The following CFAP92 variants were observed in gnomAD, a reference collection of about 807,000 sequenced individuals.
CFAP92 encodes uncharacterized protein CFAP92.
A neutral mutation model predicts 106.3 loss-of-function variants in CFAP92; 86 were observed. The observed-to-expected ratio is 0.81, with a 90% CI of 0.68 to 0.97. The LOEUF is 0.97. Ranked by LOEUF, CFAP92 falls within the 50% of genes least tolerant of loss-of-function variation. The pLI is 0.00. For missense variants in CFAP92, 1,204 were observed against 1,283.8 expected (o/e 0.94, Z 0.95); for synonymous variants, 477 against 506.4 (o/e 0.94, Z 0.78).
At chr3:129,025,440 T>C in the CFAP92 span, among the ~76,000 whole-genome samples, 1 of 152,152 alleles carries the variant, frequency 6.6e-6, no homozygotes, top group Non-Finnish European at 1.5e-5. Flanking sequence ...GTCAAATGCG[T>C]GCTGAGAACT....
intron 15 of CFAP92, chr3:128,914,535 T>A (rs559022850): frequency 6.6e-6 from 1 of 152,442 alleles, no homozygotes; most frequent in South Asian, 2.1e-4. Context: ...TAGGCTCATG[T>A]CTCTTTCTCC....
upstream of CFAP92, among the ~76,000 whole-genome samples, chr3:128,996,737 C>T (rs1944494807): frequency 6.6e-6 from 1 of 152,254 alleles, no homozygotes; most frequent in Admixed American, 6.5e-5. Flanking sequence ...GGGCTCACTC[C>T]CTATGCTGTG....
rs372919524 is a variant in CFAP92 at position 128,933,904 on chromosome 3, T to G, written c.2454-907A>C. On this transcript the variant is annotated intron_variant, in intron 11 of 15. Transcript: ENST00000645291. ...CCTTCCTATCTCTCCAGCCTCCTCC[T>G]CCTCCTTCATTAATACATCCAGCAA... Among the ~76,000 whole-genome samples the G allele has an allele frequency of 1.3e-4, 20 of 152,030 alleles. 1 individual carries two copies. Among genetic ancestry groups the G allele is most frequent in the Admixed American group, 4.6e-4 (7 of 15,274 alleles).
chr3:128,957,839 G>A (rs55990755), intron 9 of CFAP92, among the ~76,000 whole-genome samples: 1 of 151,948 alleles, frequency 6.6e-6, no homozygotes. Context: ...AACTGGGGGG[G>A]GGCTTAAAAT....
At chr3:128,984,604 C>A (rs972531803) in intron 4 of CFAP92, among the ~76,000 whole-genome samples, 3 of 152,194 alleles carry the variant, frequency 2.0e-5, no homozygotes, top group African/African-American at 7.2e-5. Context: ...GGGACTCGGA[C>A]TGGCTTCCTT....
Position 128,978,032 on chromosome 3 carries a change from C to G in CFAP92, c.808+13G>C. 6.2e-7 allele frequency: 1 copy of G among 1,613,756 alleles called. No individual in the cohort carries two copies. Among genetic ancestry groups the G allele is most frequent in the Admixed American group, 1.7e-5 (1 of 59,998 alleles). ...TTGCACTCAGCTTGTCCACAAAGGC[C>G]TTCTCCGCTCACCTTGCAAAGACTT... On this transcript the variant is annotated intron_variant, in intron 5 of 15. Transcript: ENST00000645291.
chr3:128,993,340 G>A lies in CFAP92; in HGVS notation c.-32-4C>T. On this transcript the variant is annotated splice_polypyrimidine_tract_variant and splice_region_variant and intron_variant, in intron 1 of 15. Coordinates refer to ENST00000645291, the MANE Select transcript of CFAP92 (RefSeq NM_001394090.1). ...GCACTGCTGGCCGCCGGCGCTCCTGGCAGGGAGAAAGTGAAGGCTGTCCCC... is the reference window on the plus strand; with the variant it reads ...GCACTGCTGGCCGCCGGCGCTCCTGACAGGGAGAAAGTGAAGGCTGTCCCC... 6.3e-7 allele frequency: 1 copy of A among 1,581,420 alleles called. No individual in the cohort carries two copies. The highest frequency in any genetic ancestry group is 8.6e-7 in the Non-Finnish European group (1 of 1,163,198).
At chr3:128,924,424 G>A (rs1423938618) in intron 12 of CFAP92, among the ~76,000 whole-genome samples, 8 of 132,644 alleles carry the variant, frequency 6.0e-5, no homozygotes, top group African/African-American at 2.0e-4. Context: ...CTCATAGAAC[G>A]ATTGTATCTT....
chr3:128,979,437 C>T (rs1183381812), intron 4 of CFAP92, among the ~76,000 whole-genome samples: 6 of 152,158 alleles, frequency 3.9e-5, no homozygotes, highest in Non-Finnish European at 8.8e-5. Flanking sequence ...CCAGCCATCC[C>T]ATTACTGGGT....
At position 128,919,324 on chromosome 3, in the gene CFAP92, C is replaced by G. The variant is rs143735920; in HGVS notation, c.2752-3053G>C. Among the ~76,000 whole-genome samples, 669 of 152,026 alleles carry G rather than the reference C, an allele frequency of 4.4e-3. 8 individuals carry two copies. The highest frequency in any genetic ancestry group is 0.015 in the African/African-American group (612 of 41,470). ...TACAGGTTTGACAACTAAAGGGAGACAGCATATACACTAGGCAAAAAGGCA... is the reference window on the plus strand; with the variant it reads ...TACAGGTTTGACAACTAAAGGGAGAGAGCATATACACTAGGCAAAAAGGCA... On this transcript the variant is annotated intron_variant, in intron 12 of 15. Coordinates refer to ENST00000645291, the MANE Select transcript of CFAP92 (RefSeq NM_001394090.1).
intron 7 of CFAP92, among the ~76,000 whole-genome samples, chr3:128,971,774 G>A (rs1271308990): frequency 6.6e-6 from 1 of 152,190 alleles, no homozygotes; most frequent in African/African-American, 2.4e-5. Context: ...AGTGCAGGGT[G>A]GACGGTGGGC....
chr3:129,024,237 A>C, the CFAP92 span, among the ~76,000 whole-genome samples: 1 of 152,092 alleles, frequency 6.6e-6, no homozygotes, highest in Non-Finnish European at 1.5e-5. Context: ...TTTATAAAGA[A>C]AAGAAATTTG....
intron 15 of CFAP92, chr3:128,913,122 C>G (rs1457824676): frequency 2.3e-6 from 1 of 442,666 alleles, no homozygotes; most frequent in Admixed American, 2.4e-5. Context: ...TTAGCCTTTG[C>G]TGTACTTGTC....
chr3:129,014,208 C>G, the CFAP92 span, among the ~76,000 whole-genome samples: 1 of 152,238 alleles, frequency 6.6e-6, no homozygotes, highest in African/African-American at 2.4e-5. The surrounding 1 kb of genome is among the most constrained non-coding windows in gnomAD (Gnocchi z 4.3). Flanking sequence ...AGACCCTGCC[C>G]TCGTGGACCA....
At chr3:128,963,052 G>A (rs1249989922) in intron 9 of CFAP92, among the ~76,000 whole-genome samples, 1 of 152,110 alleles carries the variant, frequency 6.6e-6, no homozygotes, top group Non-Finnish European at 1.5e-5. Context: ...AATTACCTGG[G>A]CTGTACTGCC....
chr3:128,975,426 GGGATGGATGGATGGAT>G (rs142490124), intron 7 of CFAP92, among the ~76,000 whole-genome samples: 41,565 of 148,910 alleles, frequency 0.28, 6,091 homozygotes, highest in African/African-American at 0.33. Flanking sequence ...TGGATGGATA[GGGATGGATGGATGGAT>G]GGATGGATGG....
intron 10 of CFAP92, among the ~76,000 whole-genome samples, chr3:128,938,812 C>T (rs1939332210): frequency 1.3e-5 from 2 of 151,868 alleles, no homozygotes; most frequent in Admixed American, 6.6e-5. Context: ...CAGGACTGCA[C>T]ATCCAGGCCA....
intron 9 of CFAP92, among the ~76,000 whole-genome samples, chr3:128,964,029 T>C (rs1229691067): frequency 6.6e-6 from 1 of 152,222 alleles, no homozygotes; most frequent in Non-Finnish European, 1.5e-5. Flanking sequence ...CGCAGTCATT[T>C]CTTCCCTTCT....
At chr3:128,972,743 T>A (rs553542280) in intron 7 of CFAP92, among the ~76,000 whole-genome samples, 2 of 151,434 alleles carry the variant, frequency 1.3e-5, no homozygotes, top group Non-Finnish European at 2.9e-5. Flanking sequence ...TAATCCCAGC[T>A]ACTTGGGAGG....
Sources: gnomAD v4.1 joint callset for allele counts (sites outside exome capture counted in the v4.1 genomes callset) on GRCh38, gnomAD v4.1.1 for gene constraint, Gnocchi (gnomAD v3.1) non-coding constraint, MANE v1.5 for transcripts, NCBI Gene and HGNC (gene_info 2026-07-23, HGNC 2026-07-21) for gene names.